CFAP299: variants seen among roughly 807,000 people sequenced by gnomAD.
CFAP299 encodes the protein cilia and flagella associated protein 299.
Under a neutral mutation model 27.0 loss-of-function variants are expected in CFAP299, and 21 were observed. The ratio of observed to expected loss-of-function variants is 0.78; its 90% CI spans 0.55 to 1.12. The LOEUF (loss-of-function observed/expected upper bound fraction) is 1.12, where lower values mean the gene tolerates loss of function less well. Ranked by LOEUF, CFAP299 falls within the 50% of genes most tolerant of loss-of-function variation. The pLI is 0.00. For synonymous variants in CFAP299, 104 were observed against 98.1 expected (o/e 1.06, Z -0.36); for missense variants, 310 against 276.6 (o/e 1.12, Z -0.86).
In CFAP299 at chr4:80,790,456, T is replaced by A. The variant is rs534788897; in HGVS notation, c.334-79537T>A. 2.6e-5 allele frequency: 4 copies of A among 152,086 alleles called. No individual in the cohort carries two copies. In the East Asian group the frequency reaches 7.7e-4, roughly 29 times the overall value. 9.4% of individuals were successfully genotyped at this position (152,086 alleles called of 1,614,324 possible). ...TAAATTCATACGTTGAAATCTTCAC[T>A]CCCTAAGTGATAGTATTAGGAGGTG... On this transcript the variant is annotated intron_variant, in intron 3 of 5. Coordinates refer to ENST00000358105, the MANE Select transcript of CFAP299 (RefSeq NM_152770.3).
chr4:80,372,678 G>A (rs191733267), intron 2 of CFAP299, among the ~76,000 whole-genome samples: 40 of 152,214 alleles, frequency 2.6e-4, no homozygotes, highest in Admixed American at 6.5e-4. Flanking sequence ...CCTTTTGAAA[G>A]CCAGGTACTA....
intron 4 of CFAP299, among the ~76,000 whole-genome samples, chr4:80,915,661 T>C (rs1413356120): frequency 1.3e-5 from 2 of 152,102 alleles, no homozygotes; most frequent in Non-Finnish European, 2.9e-5. Context: ...AGAACTCCAA[T>C]TACACATGTT....
At chr4:80,763,570 A>G (rs1307701687) in intron 3 of CFAP299, among the ~76,000 whole-genome samples, 1 of 152,178 alleles carries the variant, frequency 6.6e-6, no homozygotes, top group African/African-American at 2.4e-5. Flanking sequence ...CATCAAGAAT[A>G]TCATTGACTT....
At chr4:80,670,902 T>G (rs1366954593) in intron 3 of CFAP299, among the ~76,000 whole-genome samples, 2 of 152,228 alleles carry the variant, frequency 1.3e-5, no homozygotes, top group Non-Finnish European at 2.9e-5. Context: ...CTTTGTCAGA[T>G]GGGTAGATTG....
chr4:80,700,900 T>C (rs1018120725), intron 3 of CFAP299, among the ~76,000 whole-genome samples: 2 of 151,972 alleles, frequency 1.3e-5, no homozygotes, highest in Non-Finnish European at 2.9e-5. Context: ...ATACTAATGA[T>C]TTACTAATAG....
At chr4:80,782,914 A>T (rs1277705526) in intron 3 of CFAP299, among the ~76,000 whole-genome samples, 1 of 151,732 alleles carries the variant, frequency 6.6e-6, no homozygotes, top group Non-Finnish European at 1.5e-5. Flanking sequence ...AACACTTCTT[A>T]TGTATTCATT....
chr4:80,695,817 G>GGA (rs1721052117), intron 3 of CFAP299, among the ~76,000 whole-genome samples: 1 of 151,512 alleles, frequency 6.6e-6, no homozygotes, highest in African/African-American at 2.4e-5. Flanking sequence ...CAAGACACCA[G>GGA]GATAACTTTT....
chr4:80,712,546 A>C (rs896124639), intron 3 of CFAP299, among the ~76,000 whole-genome samples: 8 of 152,192 alleles, frequency 5.3e-5, no homozygotes, highest in Admixed American at 4.6e-4. Flanking sequence ...TTAAATGTGT[A>C]AGTCAACAAT....
At chr4:80,388,661 G>T in intron 2 of CFAP299, 2 of 1,161,240 alleles carry the variant, frequency 1.7e-6, no homozygotes, top group Non-Finnish European at 2.6e-6. Flanking sequence ...TGATGGGACA[G>T]CTAGAATGGT....
At chr4:80,838,438 A>G (rs1340812240) in intron 3 of CFAP299, among the ~76,000 whole-genome samples, 1 of 152,054 alleles carries the variant, frequency 6.6e-6, no homozygotes, top group Non-Finnish European at 1.5e-5. Context: ...TAATTTTTCT[A>G]TAGTGTGTAA....
chr4:80,624,279 T>A (rs924414428), intron 3 of CFAP299, among the ~76,000 whole-genome samples: 1 of 151,514 alleles, frequency 6.6e-6, no homozygotes, highest in Admixed American at 6.6e-5. Flanking sequence ...TTGACCAGAA[T>A]GATAATAATA....
intron 2 of CFAP299, 24 bp from the exon 3 acceptor site, chr4:80,583,069 T>C: frequency 6.7e-7 from 1 of 1,493,632 alleles, no homozygotes; most frequent in Non-Finnish European, 9.2e-7. Context: ...TAATATATTA[T>C]AACTGAAGAT....
chr4:80,953,703 A>C (rs1185839701), intron 5 of CFAP299, among the ~76,000 whole-genome samples: 1 of 152,190 alleles, frequency 6.6e-6, no homozygotes, highest in Non-Finnish European at 1.5e-5. Flanking sequence ...GAACTGTAAC[A>C]CAAGAAATGT....
intron 1 of CFAP299, among the ~76,000 whole-genome samples, chr4:80,357,598 A>G (rs1723337924): frequency 6.6e-6 from 1 of 152,004 alleles, no homozygotes; most frequent in South Asian, 2.1e-4. Context: ...TACCCATTTC[A>G]TCTAGATTTT....
intron 1 of CFAP299, among the ~76,000 whole-genome samples, chr4:80,350,262 A>G (rs1242888089): frequency 3.3e-5 from 5 of 152,202 alleles, no homozygotes; most frequent in African/African-American, 9.6e-5. Context: ...CAAGAAGTTC[A>G]ATGAATTCCA....
chr4:80,560,281 G>A (rs984504891), intron 2 of CFAP299, among the ~76,000 whole-genome samples: 4 of 152,034 alleles, frequency 2.6e-5, no homozygotes, highest in African/African-American at 9.7e-5. Flanking sequence ...GCTAACTGAA[G>A]AGCCCCTGGG....
chr4:80,407,715 G>GA, intron 2 of CFAP299, among the ~76,000 whole-genome samples: 1 of 151,548 alleles, frequency 6.6e-6, no homozygotes, highest in Admixed American at 6.6e-5. Flanking sequence ...AAAGATGTAT[G>GA]AAAAATTGAG....
At chr4:80,779,195 G>A (rs1726732051) in intron 3 of CFAP299, among the ~76,000 whole-genome samples, 1 of 152,110 alleles carries the variant, frequency 6.6e-6, no homozygotes, top group African/African-American at 2.4e-5. Flanking sequence ...TAAGCAGTCT[G>A]ATCCAGCGTC....
intron 2 of CFAP299, among the ~76,000 whole-genome samples, chr4:80,575,949 C>T (rs545458702): frequency 5.9e-4 from 90 of 151,728 alleles, no homozygotes; most frequent in Middle Eastern, 6.8e-3. Context: ...AAAAACTGAA[C>T]GCCGCATGTT....
Sources: gnomAD v4.1 joint callset for allele counts (sites outside exome capture counted in the v4.1 genomes callset) on GRCh38, gnomAD v4.1.1 for gene constraint, MANE v1.5 for transcripts, NCBI Gene and HGNC (gene_info 2026-07-23, HGNC 2026-07-21) for gene names.